Variants in GRIA1 observed in about 807,000 individuals in gnomAD.
The protein encoded by GRIA1 is glutamate receptor 1.
Under a neutral mutation model 99.2 loss-of-function variants are expected in GRIA1, and 31 were observed. That is an observed-to-expected ratio of 0.31 (90% CI 0.23 to 0.42). The LOEUF (loss-of-function observed/expected upper bound fraction) is 0.42, where lower values mean the gene tolerates loss of function less well. GRIA1 is among the 10% of genes least tolerant of loss of function. The pLI is 1.00. For missense variants in GRIA1, 782 were observed against 1,157.5 expected (o/e 0.68, Z 4.71); for synonymous variants, 438 against 432.4 (o/e 1.01, Z -0.16).
Position 153,647,056 on chromosome 5 carries a change from A to G in GRIA1, c.349A>G (p.Thr117Ala). 2 of 1,613,920 alleles carry G rather than the reference A, an allele frequency of 1.2e-6. No individual in the cohort carries two copies. The highest frequency in any genetic ancestry group is 1.7e-6 in the Non-Finnish European group (2 of 1,179,908). ...CFITPSFPVDTSNQFVLQLRP... is the reference protein window; with the variant it reads ...CFITPSFPVDASNQFVLQLRP... ...CATTACGCCGAGCTTTCCCGTTGAT[A>G]CATCCAATCAGTTTGTCCTTCAGCT... Residue 117 changes from threonine (T) to alanine (A), a missense_variant, in exon 3 of 16, where the codon ACA becomes GCA. Around this residue, in one of 5 missense-constraint regions of GRIA1, gnomAD observed 461 missense variants for 521.7 expected, o/e 0.88. Coordinates refer to ENST00000285900, the MANE Select transcript of GRIA1 (RefSeq NM_000827.4).
rs560015376 is a variant in GRIA1, at chr5:153,588,436, A to G, written c.221-58492A>G. Among the ~76,000 whole-genome samples, 11 of 152,338 alleles carry G rather than the reference A, an allele frequency of 7.2e-5. No individual in the cohort carries two copies. In the East Asian group the frequency reaches 2.1e-3, roughly 29 times the overall value. The stretch of plus-strand genomic sequence containing the variant: ...TGTAAGGCCTAAGCCCACTGGCATC[A>G]AAGACTTCTGTAATTTAGCATCAAC... On this transcript the variant is annotated intron_variant, in intron 2 of 15. Transcript: ENST00000285900.
At chr5:153,498,533 T>C (rs1439666785) in intron 2 of GRIA1, among the ~76,000 whole-genome samples, 2 of 152,154 alleles carry the variant, frequency 1.3e-5, no homozygotes, top group African/African-American at 4.8e-5. Flanking sequence ...CTAACTACAG[T>C]GGGATGCCCT....
chr5:153,739,785 G>C (rs866237357), intron 11 of GRIA1, among the ~76,000 whole-genome samples: 2 of 152,254 alleles, frequency 1.3e-5, no homozygotes, highest in Middle Eastern at 6.8e-3. Flanking sequence ...TCTCTCATGG[G>C]AAGAAGATTT....
intron 2 of GRIA1, among the ~76,000 whole-genome samples, chr5:153,508,948 A>AG (rs1755798654): frequency 6.6e-6 from 1 of 152,204 alleles, no homozygotes; most frequent in African/African-American, 2.4e-5. Context: ...AGCTACAAAA[A>AG]GACCTGCTCT....
At chr5:153,733,097 T>C (rs1761156654) in intron 11 of GRIA1, among the ~76,000 whole-genome samples, 1 of 151,818 alleles carries the variant, frequency 6.6e-6, no homozygotes, top group African/African-American at 2.4e-5. Flanking sequence ...CCAAAAATAA[T>C]TATATTTAAA....
chr5:153,608,449 A>G (rs1765648310), intron 2 of GRIA1, among the ~76,000 whole-genome samples: 1 of 151,934 alleles, frequency 6.6e-6, no homozygotes, highest in South Asian at 2.1e-4. Context: ...TTCTCTTTAT[A>G]TGTTTCAATC....
intron 11 of GRIA1, among the ~76,000 whole-genome samples, chr5:153,728,105 T>C (rs138803630): frequency 0.94 from 141,322 of 150,690 alleles, 66,439 homozygotes; most frequent in East Asian, 1. Flanking sequence ...TTATCTTTGA[T>C]AAACCTGAGA....
intron 13 of GRIA1, among the ~76,000 whole-genome samples, chr5:153,773,600 T>A (rs532780167): frequency 1.3e-5 from 2 of 152,316 alleles, no homozygotes; most frequent in East Asian, 3.9e-4. Context: ...ATGAAAATAA[T>A]TCTGCTTCAT....
rs533158205 is a variant in GRIA1, at chr5:153,516,422, C to A, written c.220+22357C>A. ...CAATCCCACTTGATCCCCACAGCACCCTTTGGGGGAAAGAGAGTAGTTGAT... is the reference window on the plus strand; with the variant it reads ...CAATCCCACTTGATCCCCACAGCACACTTTGGGGGAAAGAGAGTAGTTGAT... On this transcript the variant is annotated intron_variant, in intron 2 of 15. Transcript: ENST00000285900. Among the ~76,000 whole-genome samples the A allele has an allele frequency of 5.5e-4, 84 of 151,528 alleles. 1 individual carries two copies. Among genetic ancestry groups the A allele is most frequent in the Admixed American group, 5.3e-3 (80 of 15,190 alleles).
chr5:153,811,365 T>A lies in GRIA1; in HGVS notation c.*140T>A. Reference sequence around the variant, plus strand: ...ACCACAAGAAGGATGATTCAACAGGTTTTCCTGAAGAATTGAAAAACCATT... The same window carrying A: ...ACCACAAGAAGGATGATTCAACAGGATTTCCTGAAGAATTGAAAAACCATT... On this transcript the variant is annotated 3_prime_UTR_variant, in exon 16 of 16. Transcript: ENST00000285900. 8 of 637,688 alleles carry A rather than the reference T, an allele frequency of 1.3e-5. No homozygotes were observed. The South Asian group carries it at 1.5e-4, about 12-fold the overall frequency. 39.5% of individuals were successfully genotyped at this position (637,688 alleles called of 1,614,324 possible).
intron 2 of GRIA1, among the ~76,000 whole-genome samples, chr5:153,530,020 C>CTAA (rs909864130): frequency 1.3e-5 from 2 of 152,134 alleles, no homozygotes; most frequent in African/African-American, 4.8e-5. Flanking sequence ...GCTGCTGCTG[C>CTAA]TAATAATAAT....
intron 2 of GRIA1, among the ~76,000 whole-genome samples, chr5:153,497,523 C>T (rs994800177): frequency 6.6e-6 from 1 of 152,166 alleles, no homozygotes; most frequent in Non-Finnish European, 1.5e-5. Flanking sequence ...AAGGCACAGC[C>T]TCTTTCCTTG....
intron 2 of GRIA1, among the ~76,000 whole-genome samples, chr5:153,553,675 C>CA (rs1760359659): frequency 6.6e-6 from 1 of 152,298 alleles, no homozygotes; most frequent in South Asian, 2.1e-4. Context: ...TTCGTAGAAC[C>CA]ATATGCCAGT....
intron 7 of GRIA1, among the ~76,000 whole-genome samples, chr5:153,685,285 G>T: frequency 6.6e-6 from 1 of 152,134 alleles, no homozygotes; most frequent in East Asian, 1.9e-4. Flanking sequence ...TTTGAGAGTG[G>T]TCTTGGATGA....
intron 2 of GRIA1, among the ~76,000 whole-genome samples, chr5:153,632,810 C>T (rs1270324002): frequency 6.6e-6 from 1 of 152,064 alleles, no homozygotes; most frequent in African/African-American, 2.4e-5. Context: ...ATGAAGAAGA[C>T]AGATATGAAA....
chr5:153,723,841 G>T (rs1272163020), intron 11 of GRIA1, among the ~76,000 whole-genome samples: 1 of 152,068 alleles, frequency 6.6e-6, no homozygotes, highest in Non-Finnish European at 1.5e-5. Flanking sequence ...AAAGACAGCA[G>T]TAACCTCTGC....
At chr5:153,579,005 T>A (rs201534015) in intron 2 of GRIA1, among the ~76,000 whole-genome samples, 1 of 152,086 alleles carries the variant, frequency 6.6e-6, no homozygotes, top group East Asian at 1.9e-4. Flanking sequence ...AAACTACTGA[T>A]TGTCCTTCCA....
intron 12 of GRIA1, among the ~76,000 whole-genome samples, chr5:153,767,639 GGAATAGTGA>G (rs1173527582): frequency 6.6e-6 from 1 of 152,118 alleles, no homozygotes. Context: ...GCAAAAGGAG[GGAATAGTGA>G]GACAAGAATT....
chr5:153,708,479 T>C (rs1759078051), intron 11 of GRIA1, among the ~76,000 whole-genome samples: 1 of 152,202 alleles, frequency 6.6e-6, no homozygotes, highest in African/African-American at 2.4e-5. Context: ...TCCCTGATTT[T>C]CATAAAACAA....
Sources: allele counts gnomAD v4.1 joint callset (sites outside exome capture counted in the v4.1 genomes callset), GRCh38; gene constraint gnomAD v4.1.1; regional missense constraint gnomAD v4.1.1; transcripts MANE v1.5; gene names NCBI Gene and HGNC (gene_info 2026-07-23, HGNC 2026-07-21).